The following TSPAN5 variants were observed in gnomAD, a reference collection of about 807,000 sequenced individuals.
TSPAN5 encodes the protein tetraspanin-5.
A neutral mutation model predicts 37.1 loss-of-function variants in TSPAN5; 10 were observed. The observed-to-expected ratio is 0.27, with a 90% CI of 0.17 to 0.46. The LOEUF (loss-of-function observed/expected upper bound fraction) is 0.46. Ranked by LOEUF, TSPAN5 falls within the 20% of genes least tolerant of loss-of-function variation. The probability of loss-of-function intolerance (pLI) is 1.00; values close to 1 mark genes in which losing one functional copy is unlikely to be tolerated. For missense variants in TSPAN5, 195 were observed against 326.6 expected, an observed-to-expected ratio of 0.60 and a Z score of 3.11; for synonymous variants, 110 against 118.9, an observed-to-expected ratio of 0.93 and a Z score of 0.48.
intron 1 of TSPAN5, among the ~76,000 whole-genome samples, chr4:98,592,185 G>A (rs917656599): frequency 7.4e-5 from 11 of 149,142 alleles, no homozygotes; most frequent in South Asian, 2.1e-4. Flanking sequence ...CATGCCATAC[G>A]GAAACGTTAA....
At chr4:98,533,408 G>C (rs183669824) in intron 1 of TSPAN5, among the ~76,000 whole-genome samples, 6 of 152,066 alleles carry the variant, frequency 3.9e-5, no homozygotes, top group Admixed American at 3.9e-4. Context: ...TCCTGGTTTA[G>C]ACTTGTGGGG....
chr4:98,585,215 T>C (rs926722041), intron 1 of TSPAN5, among the ~76,000 whole-genome samples: 6 of 152,336 alleles, frequency 3.9e-5, no homozygotes, highest in Admixed American at 6.5e-5. Context: ...AGGCTTGTAG[T>C]GTACCCATTA....
chr4:98,536,392 C>T (rs1382623638), intron 1 of TSPAN5, among the ~76,000 whole-genome samples: 2 of 152,206 alleles, frequency 1.3e-5, no homozygotes, highest in Non-Finnish European at 2.9e-5. Flanking sequence ...CCCAGAGGAG[C>T]ACCTGCCAGA....
intron 1 of TSPAN5, among the ~76,000 whole-genome samples, chr4:98,583,033 A>C (rs1469375236): frequency 1.3e-5 from 2 of 152,150 alleles, no homozygotes; most frequent in Admixed American, 6.5e-5. Flanking sequence ...AGAACGTTGT[A>C]TTTATCCATA....
intron 1 of TSPAN5, among the ~76,000 whole-genome samples, chr4:98,549,458 C>T (rs1432551485): frequency 1.3e-5 from 2 of 151,822 alleles, no homozygotes; most frequent in Non-Finnish European, 2.9e-5. Flanking sequence ...GCCCTACGCC[C>T]AGCTAGTGTT....
intron 1 of TSPAN5, among the ~76,000 whole-genome samples, chr4:98,620,822 G>C (rs1756464317): frequency 6.6e-6 from 1 of 152,176 alleles, no homozygotes; most frequent in Non-Finnish European, 1.5e-5. Context: ...TGCTTTGCTG[G>C]TCTGGTGCTT....
chr4:98,566,896 C>T (rs1431419890), intron 1 of TSPAN5, among the ~76,000 whole-genome samples: 6 of 152,206 alleles, frequency 3.9e-5, no homozygotes, highest in Admixed American at 2.0e-4. Context: ...GAACAAGCCT[C>T]GGCCTCAAGA....
chr4:98,642,878 TTAAGC>T (rs1425799102), intron 1 of TSPAN5, among the ~76,000 whole-genome samples: 114 of 152,334 alleles, frequency 7.5e-4, no homozygotes, highest in African/African-American at 2.7e-3. Context: ...GTACAATCTG[TTAAGC>T]TAAGTGTTAT....
At chr4:98,636,260 T>G (rs1756855006) in intron 1 of TSPAN5, among the ~76,000 whole-genome samples, 1 of 152,194 alleles carries the variant, frequency 6.6e-6, no homozygotes, top group Non-Finnish European at 1.5e-5. Flanking sequence ...TGGACTGCTT[T>G]ACAGTGGAGG....
intron 1 of TSPAN5, among the ~76,000 whole-genome samples, chr4:98,655,511 C>G (rs931914013): frequency 1.3e-5 from 2 of 152,184 alleles, no homozygotes; most frequent in Non-Finnish European, 2.9e-5. Flanking sequence ...CTGGTGCCAC[C>G]ATATGTTCAA....
At chr4:98,523,669 C>T (rs1004715112) in intron 1 of TSPAN5, among the ~76,000 whole-genome samples, 1 of 152,194 alleles carries the variant, frequency 6.6e-6, no homozygotes, top group Non-Finnish European at 1.5e-5. Flanking sequence ...GAACTCTTGG[C>T]CTCAAGTGAT....
rs941139778 is a variant in TSPAN5 at position 98,513,415 on chromosome 4, T to C, written c.82-5687A>G. ...CTGGGCCGCAGAAAAGATTAGAGTC[T>C]GAGTGCATCTACAGTGATCAAAAGG... On this transcript the variant is annotated intron_variant, in intron 1 of 7. Transcript: ENST00000305798. Among the ~76,000 whole-genome samples, 9 of 152,236 alleles carry C rather than the reference T, an allele frequency of 5.9e-5. No individual in the cohort carries two copies. In the East Asian group the frequency reaches 1.2e-3, roughly 20 times the overall value.
At position 98,627,697 on chromosome 4, in the gene TSPAN5, ACT is replaced by A. The variant is rs370853812; in HGVS notation, c.81+30447_81+30448del. Among the ~76,000 whole-genome samples the A allele has an allele frequency of 1.4e-4, 22 of 152,308 alleles. 1 individual carries two copies. The highest frequency in any genetic ancestry group is 5.3e-4 in the African/African-American group (22 of 41,554). On this transcript the variant is annotated intron_variant, in intron 1 of 7. Transcript: ENST00000305798. ...TGCAGCAGAACATTTGTGTGTATAA[ACT>A]CTGTAGTAAATGACATCTCTCTTCT...
chr4:98,554,171 C>T (rs1475073654), intron 1 of TSPAN5, among the ~76,000 whole-genome samples: 1 of 152,130 alleles, frequency 6.6e-6, no homozygotes, highest in Non-Finnish European at 1.5e-5. Flanking sequence ...AACTTCAATT[C>T]CATTTTATAC....
At chr4:98,612,982 GT>G (rs960234365) in intron 1 of TSPAN5, among the ~76,000 whole-genome samples, 9 of 152,076 alleles carry the variant, frequency 5.9e-5, no homozygotes, top group Non-Finnish European at 1.0e-4. Context: ...TACAATTATG[GT>G]TTTTTCCCCC....
chr4:98,540,871 G>T (rs144494029), intron 1 of TSPAN5, among the ~76,000 whole-genome samples: 5 of 152,252 alleles, frequency 3.3e-5, no homozygotes, highest in Admixed American at 1.3e-4. Context: ...ACTACAGAAG[G>T]ATACACATTT....
At chr4:98,535,679 C>T (rs1409385480) in intron 1 of TSPAN5, among the ~76,000 whole-genome samples, 3 of 152,106 alleles carry the variant, frequency 2.0e-5, no homozygotes, top group African/African-American at 4.8e-5. Context: ...CAATCAAACA[C>T]AGATTTGGTC....
chr4:98,632,655 C>T (rs183864471), intron 1 of TSPAN5, among the ~76,000 whole-genome samples: 5 of 152,218 alleles, frequency 3.3e-5, no homozygotes, highest in Admixed American at 2.0e-4. Context: ...GACTGCCTAG[C>T]GCAAGATACA....
intron 5 of TSPAN5, 30 bp from the exon 6 acceptor site, chr4:98,476,490 AT>A: frequency 6.2e-7 from 1 of 1,612,320 alleles, no homozygotes; most frequent in South Asian, 1.1e-5. Flanking sequence ...GAAAAGTGAA[AT>A]TTACTCATTA....
Sources: gnomAD v4.1 joint callset for allele counts (sites outside exome capture counted in the v4.1 genomes callset) on GRCh38, gnomAD v4.1.1 for gene constraint, MANE v1.5 for transcripts, NCBI Gene and HGNC (gene_info 2026-07-23, HGNC 2026-07-21) for gene names.